Variants in CFAP61 observed in about 807,000 individuals in gnomAD.
The protein encoded by CFAP61 is cilia and flagella associated protein 61.
CFAP61 carries 107 observed loss-of-function variants against 135.6 expected under a neutral mutation model. The observed-to-expected ratio is 0.79, with a 90% CI of 0.67 to 0.93. The LOEUF (loss-of-function observed/expected upper bound fraction) is 0.93, where lower values mean the gene tolerates loss of function less well. Among genes scored for constraint, CFAP61 ranks in the 40% least tolerant of loss-of-function variants. The pLI is 0.00. For synonymous variants in CFAP61, 575 were observed against 578.5 expected (o/e 0.99, Z 0.09); for missense variants, 1,507 against 1,556.2 (o/e 0.97, Z 0.53).
Position 20,187,965 on chromosome 20 carries a change from C to T in CFAP61, c.1421C>T (p.Thr474Ile), listed in dbSNP as rs762189308. The change falls in exon 14 of 27, where the codon ACT (threonine) becomes ATT (isoleucine). Residue 474 changes from threonine to isoleucine, a missense_variant. Transcript: ENST00000245957. ...ATAAGATTTGCCACTCTCTTGGATACTCCTGGTGTGGAAAATCTTGTCAGC... is the reference window on the plus strand; with the variant it reads ...ATAAGATTTGCCACTCTCTTGGATATTCCTGGTGTGGAAAATCTTGTCAGC... ...INIRFATLLD[T>I]PGVENLVSTL... 2.5e-6 allele frequency: 4 copies of T among 1,613,486 alleles called. No individual in the cohort carries two copies. The highest frequency in any genetic ancestry group is 3.4e-6 in the Non-Finnish European group (4 of 1,179,364).
At chr20:20,199,668 G>T in intron 16 of CFAP61, 100 bp from the exon 17 acceptor site, 2 of 1,323,884 alleles carry the variant, frequency 1.5e-6, no homozygotes, top group South Asian at 1.5e-5. Flanking sequence ...TCTCTGACTT[G>T]GCCGAGTTAA....
At chr20:20,336,031 A>C (rs893420302) in intron 25 of CFAP61, among the ~76,000 whole-genome samples, 1 of 152,198 alleles carries the variant, frequency 6.6e-6, no homozygotes, top group African/African-American at 2.4e-5. Context: ...TAGGATTAGA[A>C]TTAGGATGAA....
intron 8 of CFAP61, among the ~76,000 whole-genome samples, chr20:20,139,648 A>AGCT (rs1260644149): frequency 6.6e-6 from 1 of 152,202 alleles, no homozygotes; most frequent in Non-Finnish European, 1.5e-5. Context: ...AGAGAGATCC[A>AGCT]GCTTCACCTT....
At chr20:20,162,960 G>A (rs185975820) in intron 10 of CFAP61, among the ~76,000 whole-genome samples, 1 of 152,280 alleles carries the variant, frequency 6.6e-6, no homozygotes, top group Admixed American at 6.5e-5. Flanking sequence ...GGTAGTATGA[G>A]AGGGATTAAT....
At chr20:20,184,380 A>G (rs2055348148) in intron 13 of CFAP61, among the ~76,000 whole-genome samples, 1 of 152,238 alleles carries the variant, frequency 6.6e-6, no homozygotes, top group African/African-American at 2.4e-5. Flanking sequence ...GTGAGCAAAT[A>G]GACCAACACT....
In CFAP61 at chr20:20,075,269, C is replaced by A. The variant is rs2045971067; in HGVS notation, c.439+13C>A. On this transcript the variant is annotated intron_variant, in intron 5 of 26. Coordinates refer to ENST00000245957, the MANE Select transcript of CFAP61 (RefSeq NM_015585.4). The stretch of plus-strand genomic sequence containing the variant: ...TACATGAGCCTAGGTAAGGCCCGCC[C>A]AACCACCTCTGGTCCCCGGTAGCAA... 1 of 1,612,924 alleles carries A rather than the reference C, an allele frequency of 6.2e-7. No homozygotes were observed. The highest frequency in any genetic ancestry group is 2.2e-5 in the East Asian group (1 of 44,868).
chr20:20,132,208 A>AT (rs2050586336), intron 8 of CFAP61, among the ~76,000 whole-genome samples: 1 of 152,142 alleles, frequency 6.6e-6, no homozygotes, highest in Non-Finnish European at 1.5e-5. Flanking sequence ...TTCACATAAC[A>AT]TAGTGTCTTC....
At chr20:20,142,230 G>A (rs1238400953) in intron 8 of CFAP61, among the ~76,000 whole-genome samples, 2 of 152,176 alleles carry the variant, frequency 1.3e-5, no homozygotes, top group African/African-American at 4.8e-5. Context: ...TGACTTTCCA[G>A]AACTTACTAA....
At chr20:20,299,682 G>A (rs186641293) in intron 25 of CFAP61, among the ~76,000 whole-genome samples, 4 of 152,178 alleles carry the variant, frequency 2.6e-5, no homozygotes, top group Non-Finnish European at 2.9e-5. Context: ...TGTTTAGCAC[G>A]GTGTTTGTGA....
At chr20:20,311,811 A>G (rs1236562389) in intron 25 of CFAP61, among the ~76,000 whole-genome samples, 1 of 152,168 alleles carries the variant, frequency 6.6e-6, no homozygotes, top group Non-Finnish European at 1.5e-5. Context: ...ACTCTAAAGG[A>G]TTAGAAAAAG....
intron 21 of CFAP61, among the ~76,000 whole-genome samples, chr20:20,272,772 TTGAC>T (rs1391454216): frequency 6.6e-6 from 1 of 152,222 alleles, no homozygotes; most frequent in Non-Finnish European, 1.5e-5. Flanking sequence ...CACCTACTGT[TTGAC>T]TGTGTCTCTG....
Position 20,263,038 on chromosome 20 carries a change from G to A in CFAP61, c.2411G>A (p.Gly804Glu), listed in dbSNP as rs533253120. Residue 804 changes from glycine (G) to glutamate (E), a missense_variant, in exon 21 of 27, where the codon GGG becomes GAG. Coordinates refer to ENST00000245957, the MANE Select transcript of CFAP61 (RefSeq NM_015585.4). Reference protein sequence around the residue: ...VPNSSQRRYTGKVPCNHFTLN... With the variant: ...VPNSSQRRYTEKVPCNHFTLN... ...AACAGCAGTCAGCGGCGGTACACGG[G>A]GAAAGTTCCTTGCAACCATTTCACT... 7.4e-6 allele frequency: 12 copies of A among 1,613,792 alleles called. No homozygotes were observed. Among genetic ancestry groups the A allele is most frequent in the Non-Finnish European group, 1.0e-5 (12 of 1,179,930 alleles).
intron 25 of CFAP61, among the ~76,000 whole-genome samples, chr20:20,324,678 C>T (rs2057679372): frequency 6.6e-6 from 1 of 152,098 alleles, no homozygotes; most frequent in East Asian, 1.9e-4. Context: ...AAAGGTTATT[C>T]CCACTAACAG....
intron 1 of CFAP61, 136 bp downstream of exon 1, chr20:20,052,727 A>C: frequency 1.2e-6 from 2 of 1,600,536 alleles, no homozygotes; most frequent in African/African-American, 1.3e-5. Context: ...GGCGCCCTGC[A>C]AGGGAGTAAG....
chr20:20,056,850 G>A, intron 2 of CFAP61, 54 bp downstream of exon 2: 1 of 1,529,866 alleles, frequency 6.5e-7, no homozygotes, highest in South Asian at 1.1e-5. Flanking sequence ...GGGTGCAGTA[G>A]CTCACACCTG....
At chr20:20,335,480 G>A (rs150510030) in intron 25 of CFAP61, among the ~76,000 whole-genome samples, 1 of 152,230 alleles carries the variant, frequency 6.6e-6, no homozygotes, top group African/African-American at 2.4e-5. Flanking sequence ...CCAACTATTG[G>A]CCAATAAGAT....
intron 14 of CFAP61, 86 bp from the exon 15 acceptor site, chr20:20,191,256 C>T (rs960852048): frequency 1.9e-6 from 2 of 1,063,068 alleles, no homozygotes; most frequent in South Asian, 1.4e-5. Context: ...GTTATGTGAA[C>T]GTGGTTAAGA....
chr20:20,111,212 T>C (rs2048783063), intron 8 of CFAP61, among the ~76,000 whole-genome samples: 1 of 152,196 alleles, frequency 6.6e-6, no homozygotes, highest in Admixed American at 6.5e-5. Context: ...ATATGAATAC[T>C]TCAAAAATGG....
At chr20:20,115,431 G>T (rs1363189861) in intron 8 of CFAP61, among the ~76,000 whole-genome samples, 8 of 151,648 alleles carry the variant, frequency 5.3e-5, no homozygotes, top group Non-Finnish European at 8.8e-5. Flanking sequence ...TCTTCTTTGT[G>T]CTGGAAACAT....
Sources: gnomAD v4.1 joint callset for allele counts (sites outside exome capture counted in the v4.1 genomes callset) on GRCh38, gnomAD v4.1.1 for gene constraint, MANE v1.5 for transcripts, NCBI Gene and HGNC (gene_info 2026-07-23, HGNC 2026-07-21) for gene names.